Variants in USP10 observed in about 807,000 individuals in gnomAD.
USP10 encodes the protein ubiquitin carboxyl-terminal hydrolase 10.
In USP10, 22 loss-of-function variants were observed where a neutral mutation model predicts 84.5. The ratio of observed to expected loss-of-function variants is 0.26; its 90% CI spans 0.19 to 0.37. The LOEUF (loss-of-function observed/expected upper bound fraction) is 0.37, where lower values mean the gene tolerates loss of function less well. Ranked by LOEUF, USP10 falls within the 10% of genes least tolerant of loss-of-function variation. USP10 has a pLI of 1.00. For missense variants in USP10, 1,019 were observed against 998.9 expected, an observed-to-expected ratio of 1.02 and a Z score of -0.27; for synonymous variants, 454 against 387.6, an observed-to-expected ratio of 1.17 and a Z score of -2.01.
At chr16:84,716,664 C>G (rs116913314) in intron 1 of USP10, 31 of 152,194 alleles carry the variant, frequency 2.0e-4, no homozygotes, top group African/African-American at 7.5e-4. Context: ...GCTGCCTGCA[C>G]GAAGGCTGAT....
At chr16:84,702,679 G>A (rs1363629479) in intron 1 of USP10, among the ~76,000 whole-genome samples, 2 of 152,088 alleles carry the variant, frequency 1.3e-5, no homozygotes, top group East Asian at 3.9e-4. Flanking sequence ...AATAATGGGA[G>A]GTGGAAAAAG....
intron 1 of USP10, among the ~76,000 whole-genome samples, chr16:84,713,582 G>A (rs1906597516): frequency 1.3e-5 from 2 of 152,112 alleles, no homozygotes; most frequent in Admixed American, 1.3e-4. Flanking sequence ...TCACTGCTGG[G>A]GCCCCTAGTC....
chr16:84,750,656 C>T (rs1911824086), intron 4 of USP10, among the ~76,000 whole-genome samples: 1 of 152,166 alleles, frequency 6.6e-6, no homozygotes, highest in Admixed American at 6.5e-5. Context: ...GAAATTGTAT[C>T]AGATGCTTTC....
intron 4 of USP10, among the ~76,000 whole-genome samples, chr16:84,751,080 G>C (rs1166368542): frequency 6.6e-6 from 1 of 152,240 alleles, no homozygotes; most frequent in African/African-American, 2.4e-5. Flanking sequence ...ATGTACGACA[G>C]TGGTCCCATA....
At chr16:84,747,198 C>T (rs1217659109) in intron 4 of USP10, among the ~76,000 whole-genome samples, 1 of 152,202 alleles carries the variant, frequency 6.6e-6, no homozygotes, top group African/African-American at 2.4e-5. Flanking sequence ...ACCAGATCTT[C>T]AGATTGTCAC....
rs542142608 is a variant in USP10, at chr16:84,725,561, C to T, written c.22-7874C>T. Among the ~76,000 whole-genome samples, 13 of 152,096 alleles carry T rather than the reference C, an allele frequency of 8.5e-5. No individual in the cohort carries two copies. In the East Asian group the frequency reaches 1.2e-3, roughly 14 times the overall value. Reference sequence around the variant, plus strand: ...GATTAGAGGCGCCTGCCACCATGCCCGGCTAATTTTTTTTTGTGTTTTTAG... The same window carrying T: ...GATTAGAGGCGCCTGCCACCATGCCTGGCTAATTTTTTTTTGTGTTTTTAG... On this transcript the variant is annotated intron_variant, in intron 1 of 13. Transcript: ENST00000219473.
intron 1 of USP10, among the ~76,000 whole-genome samples, chr16:84,700,456 C>G (rs1203783217): frequency 4.6e-5 from 7 of 151,864 alleles, no homozygotes; most frequent in Admixed American, 3.9e-4. Flanking sequence ...GCCGCGCCGG[C>G]CGGGGGAGGC....
At chr16:84,759,297 A>T (rs866260862) in intron 5 of USP10, 66 bp from the exon 6 acceptor site, 1 of 1,429,984 alleles carries the variant, frequency 7.0e-7, no homozygotes, top group African/African-American at 1.4e-5. Context: ...CTTGTGCTTC[A>T]TGTGCCTTCA....
chr16:84,750,481 G>GT (rs1463556143), intron 4 of USP10, among the ~76,000 whole-genome samples: 2 of 152,004 alleles, frequency 1.3e-5, no homozygotes, highest in African/African-American at 4.8e-5. Flanking sequence ...CTTGTTAAGA[G>GT]TGAGTATGGC....
rs373874429 is a variant in USP10, at chr16:84,738,533, G to T, written c.91-1776G>T. Among the ~76,000 whole-genome samples the T allele has an allele frequency of 6.6e-5, 10 of 152,258 alleles. No individual in the cohort carries two copies. The East Asian group carries it at 1.5e-3, about 24-fold the overall frequency. ...ATAGACCCACCTCTCTGCTCCAGGT[G>T]CCTGCCAGCATCAATGCTGGTGTGT... On this transcript the variant is annotated intron_variant, in intron 2 of 13. Transcript: ENST00000219473.
chr16:84,740,425 G>A, intron 3 of USP10, 56 bp downstream of exon 3: 2 of 1,423,494 alleles, frequency 1.4e-6, no homozygotes, highest in South Asian at 1.2e-5. Context: ...CGTGCTGGGT[G>A]GGCAGGCTAC....
intron 1 of USP10, among the ~76,000 whole-genome samples, chr16:84,715,275 A>G (rs1375378112): frequency 6.6e-6 from 1 of 152,222 alleles, no homozygotes; most frequent in Non-Finnish European, 1.5e-5. Context: ...GTGAAGGCCA[A>G]CTATTTCAGC....
intron 1 of USP10, chr16:84,704,710 T>G (rs1218492957): frequency 2.0e-6 from 3 of 1,490,996 alleles, no homozygotes; most frequent in Non-Finnish European, 2.7e-6. Flanking sequence ...AGATTTTTTC[T>G]GAACTGGCTA....
chr16:84,747,353 T>C (rs1597357688), intron 4 of USP10, among the ~76,000 whole-genome samples: 7 of 152,306 alleles, frequency 4.6e-5, no homozygotes, highest in Admixed American at 4.6e-4. Flanking sequence ...ATGGTCAGAA[T>C]TGTGTAAAAA....
intron 10 of USP10, among the ~76,000 whole-genome samples, chr16:84,764,786 C>T (rs780219874): frequency 3.4e-4 from 51 of 150,726 alleles, no homozygotes; most frequent in Non-Finnish European, 3.1e-4. Flanking sequence ...GCCCAGATAG[C>T]GCCATTGCAC....
In USP10 at chr16:84,745,057, G is replaced by A. The variant is rs1320278589; in HGVS notation, c.576G>A (p.Glu192=). 6.2e-7 allele frequency: 1 copy of A among 1,613,722 alleles called. No homozygotes were observed. The highest frequency in any genetic ancestry group is 8.5e-7 in the Non-Finnish European group (1 of 1,179,660). The change falls in exon 4 of 14, where the codon GAG becomes GAA. Residue 192 remains glutamate (E), a synonymous_variant. Coordinates refer to ENST00000219473, the MANE Select transcript of USP10 (RefSeq NM_005153.3). Reference sequence around the variant, plus strand: ...CAGTCCCGAACAGTGTCAGTGCAGAGGATGCAGAATTTATGGGTGACATGC... The same window carrying A: ...CAGTCCCGAACAGTGTCAGTGCAGAAGATGCAGAATTTATGGGTGACATGC... ...NSAVPNSVSA[E]DAEFMGDMPP...
Position 84,721,474 on chromosome 16 carries a change from T to C in USP10, c.22-11961T>C, listed in dbSNP as rs546990519. Among the ~76,000 whole-genome samples the C allele has an allele frequency of 5.3e-4, 80 of 152,372 alleles. 1 individual carries two copies. In the Middle Eastern group the frequency reaches 0.027, roughly 52 times the overall value. ...AACAATTTTTAAAAAGTCAACCTTA[T>C]TGAAGTATAATTTAATACAATAAAT... On this transcript the variant is annotated intron_variant, in intron 1 of 13. Coordinates refer to ENST00000219473, the MANE Select transcript of USP10 (RefSeq NM_005153.3).
At chr16:84,718,654 G>A (rs1227272600) in intron 1 of USP10, among the ~76,000 whole-genome samples, 2 of 151,898 alleles carry the variant, frequency 1.3e-5, no homozygotes, top group East Asian at 3.9e-4. Flanking sequence ...CTACTCGGAG[G>A]CTGAGGCAGG....
intron 1 of USP10, among the ~76,000 whole-genome samples, chr16:84,713,121 T>G (rs1157773964): frequency 6.6e-6 from 1 of 152,232 alleles, no homozygotes; most frequent in Non-Finnish European, 1.5e-5. Flanking sequence ...TTCGGTTGGT[T>G]TGCCACAGTT....
Sources: gnomAD v4.1 joint callset for allele counts (sites outside exome capture counted in the v4.1 genomes callset) on GRCh38, gnomAD v4.1.1 for gene constraint, MANE v1.5 for transcripts, NCBI Gene and HGNC (gene_info 2026-07-23, HGNC 2026-07-21) for gene names.